Variants in CACNA1D observed in about 807,000 individuals in gnomAD.
CACNA1D encodes the protein voltage-dependent L-type calcium channel subunit alpha-1D.
CACNA1D carries 55 observed loss-of-function variants against 257.1 expected under a neutral mutation model. That is an observed-to-expected ratio of 0.21 (90% CI 0.17 to 0.27). The LOEUF is 0.27. CACNA1D is among the 10% of genes least tolerant of loss of function. The pLI is 1.00. For synonymous variants in CACNA1D, 980 were observed against 1,014.9 expected (o/e 0.97, Z 0.65); for missense variants, 1,876 against 2,784.0 (o/e 0.67, Z 7.34).
chr3:53,641,901 A>T (rs1001502497), intron 3 of CACNA1D, among the ~76,000 whole-genome samples: 1 of 152,168 alleles, frequency 6.6e-6, no homozygotes, highest in African/African-American at 2.4e-5. Flanking sequence ...TCTCTTGAGA[A>T]ATGAGGAGCT....
intron 8 of CACNA1D, among the ~76,000 whole-genome samples, chr3:53,674,247 G>A (rs2094352449): frequency 6.6e-6 from 1 of 152,162 alleles, no homozygotes; most frequent in African/African-American, 2.4e-5. Flanking sequence ...AATACTTCCA[G>A]GGGAGTTTTA....
chr3:53,810,484 C>T (rs1465821518), intron 47 of CACNA1D, 186 bp downstream of exon 47: 12 of 669,476 alleles, frequency 1.8e-5, no homozygotes, highest in Non-Finnish European at 3.0e-5. Context: ...CCACTGGCTG[C>T]AGTGGCTTAC....
intron 29 of CACNA1D, among the ~76,000 whole-genome samples, chr3:53,758,371 G>C (rs2095279474): frequency 6.6e-6 from 1 of 152,216 alleles, no homozygotes; most frequent in Non-Finnish European, 1.5e-5. Context: ...CCGATCTGCA[G>C]ATGGGAGTGA....
At chr3:53,792,758 T>C (rs2095490209) in intron 40 of CACNA1D, among the ~76,000 whole-genome samples, 4 of 152,144 alleles carry the variant, frequency 2.6e-5, no homozygotes. Context: ...TCTTTTCCAG[T>C]GGTGTCTTTT....
At chr3:53,503,293 T>C (rs181391169) in intron 3 of CACNA1D, among the ~76,000 whole-genome samples, 1 of 152,316 alleles carries the variant, frequency 6.6e-6, no homozygotes, top group Admixed American at 6.5e-5. Flanking sequence ...TTGTGTAACT[T>C]TGGACATTTT....
intron 8 of CACNA1D, among the ~76,000 whole-genome samples, chr3:53,691,349 A>T (rs1043226192): frequency 9.2e-5 from 14 of 152,066 alleles, no homozygotes; most frequent in Non-Finnish European, 1.6e-4. Flanking sequence ...TATGTTGGCC[A>T]GGCTGGTGTT....
chr3:53,555,324 C>T (rs1291531557), intron 3 of CACNA1D, among the ~76,000 whole-genome samples: 2 of 152,058 alleles, frequency 1.3e-5, no homozygotes, highest in Non-Finnish European at 2.9e-5. Context: ...CAGTCACAGT[C>T]GTATAACAAG....
chr3:53,645,576 C>G (rs1420505346), intron 3 of CACNA1D, among the ~76,000 whole-genome samples: 1 of 152,134 alleles, frequency 6.6e-6, no homozygotes, highest in Admixed American at 6.5e-5. Context: ...AGAGACTGTC[C>G]TTTCCCCACT....
chr3:53,608,709 CTT>C (rs1167244037), intron 3 of CACNA1D, among the ~76,000 whole-genome samples: 1 of 152,158 alleles, frequency 6.6e-6, no homozygotes, highest in East Asian at 1.9e-4. Context: ...TTATAACACT[CTT>C]TTAACGTATC....
chr3:53,797,004 A>T (rs1167968426), intron 40 of CACNA1D, among the ~76,000 whole-genome samples: 1 of 152,240 alleles, frequency 6.6e-6, no homozygotes, highest in East Asian at 1.9e-4. Flanking sequence ...TTGCTGATAG[A>T]GGTAGACACA....
intron 4 of CACNA1D, 52 bp from the exon 5 acceptor site, chr3:53,660,081 G>T (rs2094188599): frequency 7.3e-6 from 11 of 1,499,700 alleles, no homozygotes; most frequent in African/African-American, 1.4e-5. Context: ...ATCCTGTTTT[G>T]CGTCCCTGGG....
intron 39 of CACNA1D, chr3:53,781,962 T>G (rs2095427461): frequency 2.7e-6 from 1 of 374,882 alleles, no homozygotes; most frequent in Non-Finnish European, 4.8e-6. Flanking sequence ...GATCTCAAAG[T>G]GAAAAGCCTA....
chr3:53,772,804 T>A, intron 32 of CACNA1D, 29 bp from the exon 33 acceptor site: 1 of 1,600,734 alleles, frequency 6.2e-7, no homozygotes, highest in Non-Finnish European at 8.6e-7. Context: ...AGCCGGCTGG[T>A]GCTGAGCCAA....
Position 53,722,579 on chromosome 3 carries a change from A to G in CACNA1D, c.1666+105A>G, listed in dbSNP as rs2094893381. The G allele has an allele frequency of 4.2e-6, 5 of 1,178,542 alleles. No homozygotes were observed. The East Asian group carries it at 7.1e-5, about 17-fold the overall frequency. 73.0% of individuals were successfully genotyped at this position (1,178,542 alleles called of 1,614,324 possible). ...TCGCTGCATGATGAAGTATCGCAAC[A>G]TTTCTAGTGAGGACAAACTTGGTAG... On this transcript the variant is annotated intron_variant, in intron 12 of 47. Coordinates refer to ENST00000350061, the MANE Select transcript of CACNA1D (RefSeq NM_001128840.3).
rs78886473 is a variant in CACNA1D at position 53,798,709 on chromosome 3, G to C, written c.4924-1540G>C. Among the ~76,000 whole-genome samples, 332 of 152,264 alleles carry C rather than the reference G, an allele frequency of 2.2e-3. 6 individuals carry two copies. The East Asian group carries it at 0.05, about 23-fold the overall frequency. On this transcript the variant is annotated intron_variant, in intron 40 of 47. Coordinates refer to ENST00000350061, the MANE Select transcript of CACNA1D (RefSeq NM_001128840.3). ...TGTGCACCAGGCTATTTTTATAAGG[G>C]CCTCTTGGGAAGTTCCTGTGTGACT...
intron 8 of CACNA1D, among the ~76,000 whole-genome samples, chr3:53,683,482 A>C (rs1271253896): frequency 6.6e-6 from 1 of 152,214 alleles, no homozygotes; most frequent in African/African-American, 2.4e-5. Context: ...ACACTCGTTA[A>C]AGGAAGAGAC....
chr3:53,778,128 C>A (rs2095407756), intron 37 of CACNA1D, among the ~76,000 whole-genome samples: 2 of 152,198 alleles, frequency 1.3e-5, no homozygotes, highest in African/African-American at 4.8e-5. Context: ...ATCCAGAAAG[C>A]CTTCTAGGCA....
chr3:53,725,286 T>C (rs1225018160), intron 14 of CACNA1D, among the ~76,000 whole-genome samples: 3 of 152,170 alleles, frequency 2.0e-5, no homozygotes, highest in East Asian at 1.9e-4. Context: ...CATAAAAGGC[T>C]GCCCCTCCTT....
At position 53,673,206 on chromosome 3, in the gene CACNA1D, C is replaced by G; in HGVS notation, c.1220+80C>G. 2 of 926,114 alleles carry G rather than the reference C, an allele frequency of 2.2e-6. No homozygotes were observed. Among genetic ancestry groups the G allele is most frequent in the Non-Finnish European group, 3.4e-6 (2 of 583,650 alleles). 57.4% of individuals were successfully genotyped at this position (926,114 alleles called of 1,614,324 possible). A position where few individuals can be genotyped will look rare whatever the true frequency, so the allele number is the denominator to read the frequency against. On this transcript the variant is annotated intron_variant, in intron 8 of 47. Transcript: ENST00000350061. The surrounding 1 kb of genome is among the most constrained non-coding windows in gnomAD (Gnocchi z 4.1). ...CCACACAAGCTTTGCTGGATGAGGG[C>G]CGCCAAGAGGGGTTGCCAGACATTT...
Sources: gnomAD v4.1 joint callset for allele counts (sites outside exome capture counted in the v4.1 genomes callset) on GRCh38, gnomAD v4.1.1 for gene constraint, Gnocchi (gnomAD v3.1) non-coding constraint, MANE v1.5 for transcripts, NCBI Gene and HGNC (gene_info 2026-07-23, HGNC 2026-07-21) for gene names.